The following EHMT1 variants were observed in gnomAD, a reference collection of about 807,000 sequenced individuals.
EHMT1 encodes histone-lysine N-methyltransferase EHMT1.
EHMT1 carries 15 observed loss-of-function variants against 147.2 expected under a neutral mutation model. The ratio of observed to expected loss-of-function variants is 0.10; its 90% CI spans 0.07 to 0.16. The LOEUF is 0.16. Among genes scored for constraint, EHMT1 ranks in the 10% least tolerant of loss-of-function variants. The probability of loss-of-function intolerance (pLI) is 1.00; values close to 1 mark genes in which losing one functional copy is unlikely to be tolerated. For synonymous variants in EHMT1, 795 were observed against 709.6 expected (o/e 1.12, Z -1.91); for missense variants, 1,587 against 1,772.4 (o/e 0.90, Z 1.88).
At chr9:137,820,850 A>C (rs1955355487) in intron 25 of EHMT1, among the ~76,000 whole-genome samples, 1 of 150,868 alleles carries the variant, frequency 6.6e-6, no homozygotes, top group African/African-American at 2.5e-5. Context: ...TGTAGTTTAC[A>C]TCTTCTCACC....
chr9:137,812,403 T>C (rs1954566345), intron 19 of EHMT1, among the ~76,000 whole-genome samples: 1 of 152,178 alleles, frequency 6.6e-6, no homozygotes, highest in Non-Finnish European at 1.5e-5. Flanking sequence ...CACACTCAGG[T>C]TGTTGTTGGT....
intron 1 of EHMT1, among the ~76,000 whole-genome samples, chr9:137,672,854 A>G (rs1940839361): frequency 6.6e-6 from 1 of 152,242 alleles, no homozygotes; most frequent in Admixed American, 6.5e-5. Flanking sequence ...TTGTGGAAAC[A>G]TTTAAAAAAC....
intron 4 of EHMT1, among the ~76,000 whole-genome samples, chr9:137,730,330 G>T (rs1946996413): frequency 6.6e-6 from 1 of 152,020 alleles, no homozygotes; most frequent in African/African-American, 2.4e-5. Context: ...TGCACGGTGG[G>T]TGCCAAATGG....
intron 1 of EHMT1, among the ~76,000 whole-genome samples, chr9:137,692,129 A>G (rs751375435): frequency 3.3e-5 from 5 of 152,180 alleles, no homozygotes; most frequent in African/African-American, 4.8e-5. Flanking sequence ...AGTATCAGGC[A>G]AGGTTCCAGA....
chr9:137,829,042 G>A (rs771060693), intron 25 of EHMT1, among the ~76,000 whole-genome samples: 6 of 152,140 alleles, frequency 3.9e-5, no homozygotes, highest in Non-Finnish European at 5.9e-5. Flanking sequence ...GAGCCCGGGT[G>A]GGGCATCCAG....
intron 8 of EHMT1, among the ~76,000 whole-genome samples, chr9:137,754,590 G>A (rs1329965475): frequency 6.6e-5 from 10 of 151,990 alleles, no homozygotes; most frequent in Non-Finnish European, 1.3e-4. Context: ...TCAGCTCACT[G>A]CAGCTTCCAC....
intron 1 of EHMT1, among the ~76,000 whole-genome samples, chr9:137,648,778 C>T (rs1334849381): frequency 6.6e-6 from 1 of 152,212 alleles, no homozygotes; most frequent in Non-Finnish European, 1.5e-5. Flanking sequence ...TTAGTCCTGC[C>T]TTCCCCTCTC....
At chr9:137,809,077 A>C (rs1343019444) in intron 18 of EHMT1, among the ~76,000 whole-genome samples, 1 of 152,196 alleles carries the variant, frequency 6.6e-6, no homozygotes, top group Non-Finnish European at 1.5e-5. Flanking sequence ...AGAGGGGTGG[A>C]GGAGCCCAAG....
chr9:137,709,857 C>T (rs768033749), intron 1 of EHMT1, among the ~76,000 whole-genome samples: 11 of 152,216 alleles, frequency 7.2e-5, no homozygotes, highest in Non-Finnish European at 1.0e-4. Flanking sequence ...AGGCTTCCTG[C>T]CCACTTCCAG....
intron 25 of EHMT1, among the ~76,000 whole-genome samples, chr9:137,820,955 G>A (rs535571811): frequency 1.3e-5 from 2 of 152,344 alleles, no homozygotes; most frequent in South Asian, 4.1e-4. Flanking sequence ...TCAGGTCACT[G>A]CAAGCTCCGC....
intron 1 of EHMT1, among the ~76,000 whole-genome samples, chr9:137,670,058 C>A (rs1940378967): frequency 6.6e-6 from 1 of 152,028 alleles, no homozygotes. Flanking sequence ...TGAGGTTTCA[C>A]CTTGTTGGCC....
intron 17 of EHMT1, 29 bp from the exon 18 acceptor site, chr9:137,800,851 G>C: frequency 6.2e-7 from 1 of 1,606,726 alleles, no homozygotes; most frequent in Non-Finnish European, 8.5e-7. Context: ...TCTCTGGAGC[G>C]ATGACAGCTT....
At chr9:137,634,754 G>A (rs1218851354) in intron 1 of EHMT1, among the ~76,000 whole-genome samples, 1 of 144,066 alleles carries the variant, frequency 6.9e-6, no homozygotes, top group East Asian at 2.0e-4. Flanking sequence ...CCAGGCTGGA[G>A]TGCCGTGGTG....
intron 1 of EHMT1, among the ~76,000 whole-genome samples, chr9:137,670,223 C>T (rs1179038658): frequency 1.3e-5 from 2 of 152,122 alleles, no homozygotes; most frequent in South Asian, 2.1e-4. Flanking sequence ...CCCTTCTTTG[C>T]GCCAAACTCC....
At chr9:137,713,551 G>T (rs992873860) in intron 2 of EHMT1, among the ~76,000 whole-genome samples, 1 of 151,632 alleles carries the variant, frequency 6.6e-6, no homozygotes, top group Non-Finnish European at 1.5e-5. Flanking sequence ...GATTACAGGC[G>T]TGAACCACTG....
chr9:137,799,261 A>G (rs1414062868), intron 17 of EHMT1, among the ~76,000 whole-genome samples: 1 of 152,110 alleles, frequency 6.6e-6, no homozygotes, highest in Non-Finnish European at 1.5e-5. Context: ...CCTGCTGTGA[A>G]TGCTCACAGC....
At chr9:137,643,503 C>A (rs10780178) in intron 1 of EHMT1, among the ~76,000 whole-genome samples, 25,056 of 151,908 alleles carry the variant, frequency 0.16, 2,305 homozygotes, top group Admixed American at 0.3. Flanking sequence ...CACCTGCCAT[C>A]ACGCCTGGCT....
rs368961311 is a variant in EHMT1 at position 137,716,873 on chromosome 9, C to T, written c.333C>T (p.Ala111=). The change falls in exon 3 of 27, where the codon GCC becomes GCT. Residue 111 remains alanine (A), a synonymous_variant. Transcript: ENST00000460843. ...SEAAKQNHVT[A]DDFVQTSVIG... is the part of the protein sequence containing the mutation. Reference sequence around the variant, plus strand: ...CGGCGAAGCAAAACCACGTCACTGCCGACGACTTTGTGCAGACTTCTGTCA... The same window carrying T: ...CGGCGAAGCAAAACCACGTCACTGCTGACGACTTTGTGCAGACTTCTGTCA... The T allele has an allele frequency of 2.2e-5, 35 of 1,613,268 alleles. No individual in the cohort carries two copies. The East Asian group carries it at 2.5e-4, about 11-fold the overall frequency.
At chr9:137,629,595 G>A (rs568503602) in intron 1 of EHMT1, among the ~76,000 whole-genome samples, 1 of 152,138 alleles carries the variant, frequency 6.6e-6, no homozygotes, top group African/African-American at 2.4e-5. Flanking sequence ...GGGTTTCACT[G>A]TGTTAGCCAG....
Sources: gnomAD v4.1 joint callset for allele counts (sites outside exome capture counted in the v4.1 genomes callset) on GRCh38, gnomAD v4.1.1 for gene constraint, MANE v1.5 for transcripts, NCBI Gene and HGNC (gene_info 2026-07-23, HGNC 2026-07-21) for gene names.